Variants in HSF2 observed in about 807,000 individuals in gnomAD.
HSF2 encodes heat shock factor protein 2.
Under a neutral mutation model 65.0 loss-of-function variants are expected in HSF2, and 21 were observed. The observed-to-expected ratio is 0.32, with a 90% CI of 0.23 to 0.47. HSF2 has a LOEUF of 0.47. HSF2 is among the 20% of genes least tolerant of loss of function. HSF2 has a pLI of 1.00. For synonymous variants in HSF2, 225 were observed against 219.1 expected, an observed-to-expected ratio of 1.03 and a Z score of -0.24; for missense variants, 499 against 628.1, an observed-to-expected ratio of 0.79 and a Z score of 2.20.
In HSF2 at chr6:122,399,692, C is replaced by A. The variant is rs768565495; in HGVS notation, c.-46C>A. On this transcript the variant is annotated 5_prime_UTR_variant, in exon 1 of 13. Transcript: ENST00000368455. ...CTGCCGTAGCTGCCGCCGCCGCTAC[C>A]ACCGCGTTCGGGTGTAGAATTTGGA... The A allele has an allele frequency of 8.4e-6, 13 of 1,538,678 alleles. No homozygotes were observed. Among genetic ancestry groups the A allele is most frequent in the South Asian group, 2.3e-5 (2 of 88,148 alleles).
intron 1 of HSF2, among the ~76,000 whole-genome samples, chr6:122,409,960 G>A (rs1773953373): frequency 6.6e-6 from 1 of 151,714 alleles, no homozygotes; most frequent in African/African-American, 2.4e-5. Flanking sequence ...CTTACTACCT[G>A]GTAAATTCTC....
At chr6:122,429,646 T>A (rs986221976) in intron 11 of HSF2, among the ~76,000 whole-genome samples, 7 of 152,320 alleles carry the variant, frequency 4.6e-5, no homozygotes, top group Admixed American at 3.3e-4. Flanking sequence ...GCTATGGGTT[T>A]GTCATAAATA....
chr6:122,422,795 A>C lies in HSF2; in HGVS notation c.908A>C (p.Glu303Ala), dbSNP rs1774266414. 2 of 1,613,508 alleles carry C rather than the reference A, an allele frequency of 1.2e-6. No homozygotes were observed. Among genetic ancestry groups the C allele is most frequent in the Non-Finnish European group, 1.7e-6 (2 of 1,179,592 alleles). The change falls in exon 9 of 13, where the codon GAG becomes GCG. Residue 303 changes from glutamate (E) to alanine (A), a missense_variant. Around this residue, in one of 2 missense-constraint regions of HSF2, gnomAD observed 349 missense variants for 393.5 expected, o/e 0.89. Transcript: ENST00000368455. ...TATGCACCTGTCATTCAGAGTGGAG[A>C]GCAGAATGAACCAGCCAGAGAATCC... ...DEYAPVIQSG[E>A]QNEPARESLS...
intron 9 of HSF2, 72 bp from the exon 10 acceptor site, chr6:122,423,509 T>G: frequency 1.4e-6 from 1 of 706,374 alleles, no homozygotes; most frequent in Non-Finnish European, 2.3e-6. Flanking sequence ...CCTAGCCAAG[T>G]TGTAATGGTG....
intron 10 of HSF2, among the ~76,000 whole-genome samples, chr6:122,426,967 C>T (rs927537715): frequency 2.6e-5 from 4 of 151,932 alleles, no homozygotes; most frequent in African/African-American, 9.7e-5. Context: ...AGTATTATAC[C>T]CGTGTGTTCT....
chr6:122,414,316 A>G (rs1346767693), intron 4 of HSF2, among the ~76,000 whole-genome samples: 2 of 152,164 alleles, frequency 1.3e-5, no homozygotes, highest in Admixed American at 1.3e-4. Context: ...TCTGTATCCT[A>G]ATAGGTGCCA....
chr6:122,399,605 G>A (rs1299959340), upstream of HSF2: 2 of 693,898 alleles, frequency 2.9e-6, no homozygotes, highest in South Asian at 3.7e-5. Context: ...GCGCCTGGCG[G>A]GGTTGGGGGG....
chr6:122,411,962 T>G (rs1409547632), intron 1 of HSF2, among the ~76,000 whole-genome samples: 1 of 152,000 alleles, frequency 6.6e-6, no homozygotes, highest in Non-Finnish European at 1.5e-5. Flanking sequence ...GTCTACTATG[T>G]CTACTGCAAA....
chr6:122,431,456 C>A lies in HSF2; in HGVS notation c.1257C>A (p.Thr419=), dbSNP rs1263936157. 2.5e-6 allele frequency: 4 copies of A among 1,574,268 alleles called. No individual in the cohort carries two copies. The highest frequency in any genetic ancestry group is 1.4e-5 in the African/African-American group (1 of 73,496). The change falls in exon 12 of 13, where the codon ACC becomes ACA. Residue 419 remains threonine, a synonymous_variant. Transcript: ENST00000368455. ...TKSENKGLET[T]KNNVVQPVSE... is the part of the protein sequence containing the mutation. ...CTGAGAATAAAGGATTAGAAACTAC[C>A]AAGAACAATGTAGTTCAGCCAGTTT... is the stretch of plus-strand genomic sequence containing the variant.
chr6:122,427,726 G>C (rs1043026255), intron 10 of HSF2, among the ~76,000 whole-genome samples, 177 bp from the exon 11 acceptor site: 2 of 151,998 alleles, frequency 1.3e-5, no homozygotes, highest in Non-Finnish European at 2.9e-5. Context: ...GGGCTAGCTT[G>C]TTCTGCTTTT....
intron 1 of HSF2, among the ~76,000 whole-genome samples, chr6:122,404,039 T>C (rs930537262): frequency 6.6e-6 from 1 of 152,216 alleles, no homozygotes; most frequent in African/African-American, 2.4e-5. Flanking sequence ...GTTACCTTTG[T>C]CTCTGTTCTT....
chr6:122,415,856 A>C (rs1184009834), intron 4 of HSF2, among the ~76,000 whole-genome samples: 1 of 152,172 alleles, frequency 6.6e-6, no homozygotes. Context: ...TCTACTAAAA[A>C]TACAAAAAAA....
At chr6:122,405,441 TAAAG>T (rs1419787561) in intron 1 of HSF2, among the ~76,000 whole-genome samples, 1 of 151,960 alleles carries the variant, frequency 6.6e-6, no homozygotes, top group Non-Finnish European at 1.5e-5. Flanking sequence ...TCAGGGAAAT[TAAAG>T]AAAATTAAAA....
At chr6:122,401,695 G>A (rs1773737585) in intron 1 of HSF2, among the ~76,000 whole-genome samples, 1 of 152,192 alleles carries the variant, frequency 6.6e-6, no homozygotes, top group Admixed American at 6.5e-5. Context: ...CAATCAAAAT[G>A]TAAGCTCAGT....
chr6:122,413,492 T>C (rs1398674289), intron 3 of HSF2, 33 bp from the exon 4 acceptor site: 1 of 1,490,704 alleles, frequency 6.7e-7, no homozygotes, highest in East Asian at 2.3e-5. Context: ...GTGTTTACTG[T>C]TTCTTTGATT....
chr6:122,406,418 T>A (rs1298702350), intron 1 of HSF2, among the ~76,000 whole-genome samples: 1 of 150,956 alleles, frequency 6.6e-6, no homozygotes, highest in Non-Finnish European at 1.5e-5. Context: ...ATTAGGAGAG[T>A]GAGAGTAGGG....
chr6:122,427,769 C>T, intron 10 of HSF2, 134 bp from the exon 11 acceptor site: 1 of 452,036 alleles, frequency 2.2e-6, no homozygotes, highest in Non-Finnish European at 3.9e-6. Flanking sequence ...CTCTTTCAAA[C>T]TTGTTTAACT....
chr6:122,407,949 T>G (rs1423457366), intron 1 of HSF2, among the ~76,000 whole-genome samples: 2 of 134,690 alleles, frequency 1.5e-5, no homozygotes. Context: ...TCTCTCTGTG[T>G]CTTCCCAATG....
chr6:122,410,651 G>A (rs1415224136), intron 1 of HSF2, among the ~76,000 whole-genome samples: 1 of 151,850 alleles, frequency 6.6e-6, no homozygotes, highest in Non-Finnish European at 1.5e-5. Flanking sequence ...CTTCATATAA[G>A]GGGAATTGTA....
Sources: gnomAD v4.1 joint callset for allele counts (sites outside exome capture counted in the v4.1 genomes callset) on GRCh38, gnomAD v4.1.1 for gene constraint, gnomAD v4.1.1 regional missense constraint, MANE v1.5 for transcripts, NCBI Gene and HGNC (gene_info 2026-07-23, HGNC 2026-07-21) for gene names.